The following ONECUT1 variants were observed in gnomAD, a reference collection of about 807,000 sequenced individuals.
ONECUT1 encodes one cut homeobox 1.
In ONECUT1, 12 loss-of-function variants were observed where a neutral mutation model predicts 25.6. The ratio of observed to expected loss-of-function variants is 0.47; its 90% CI spans 0.30 to 0.76. The LOEUF is 0.76. Among genes scored for constraint, ONECUT1 ranks in the 30% least tolerant of loss-of-function variants. The pLI is 0.07. For missense variants in ONECUT1, 620 were observed against 651.2 expected (o/e 0.95, Z 0.52); for synonymous variants, 285 against 270.2 (o/e 1.05, Z -0.54).
At chr15:52,783,443 C>T (rs991772172) in intron 1 of ONECUT1, among the ~76,000 whole-genome samples, 4 of 152,244 alleles carry the variant, frequency 2.6e-5, no homozygotes, top group Non-Finnish European at 2.9e-5. Flanking sequence ...TTCCCAAAGA[C>T]ATTCTATCTG....
intron 1 of ONECUT1, among the ~76,000 whole-genome samples, chr15:52,780,209 C>T (rs1427707804): frequency 2.0e-5 from 3 of 152,138 alleles, no homozygotes; most frequent in South Asian, 2.1e-4. Context: ...AACTCAGGAG[C>T]TGTTTATTAC....
chr15:52,767,811 G>A (rs1187108022), intron 1 of ONECUT1, among the ~76,000 whole-genome samples: 5 of 152,084 alleles, frequency 3.3e-5, no homozygotes, highest in African/African-American at 4.8e-5. Context: ...ACAGGTGAAC[G>A]GATAAAGAAA....
At position 52,757,320 on chromosome 15, in the gene ONECUT1, GGT is replaced by G; in HGVS notation, c.*233_*234del. The G allele has an allele frequency of 1.9e-6, 1 of 514,876 alleles. No homozygotes were observed. The highest frequency in any genetic ancestry group is 3.4e-6 in the Non-Finnish European group (1 of 294,226). The allele number at this position is 514,876 out of a possible 1,614,324, so 31.9% of individuals were successfully genotyped here. On this transcript the variant is annotated 3_prime_UTR_variant, in exon 2 of 2. Transcript: ENST00000305901. ...ATGGATTGAAGGTGTGAGATCCAGT[GGT>G]GTTTTCCTGCTCATCATTTGTCTTG...
In ONECUT1 at chr15:52,789,296, G is replaced by A. The variant is rs745844627; in HGVS notation, c.589C>T (p.Leu197Phe). 10 of 1,559,278 alleles carry A rather than the reference G, an allele frequency of 6.4e-6. No individual in the cohort carries two copies. The African/African-American group carries it at 9.5e-5, about 15-fold the overall frequency. The change falls in exon 1 of 2, where the codon CTC becomes TTC. Residue 197 changes from leucine (L) to phenylalanine (F), a missense_variant. Physicochemically the swap from Leu to Phe is conservative, Grantham distance 22. Coordinates refer to ENST00000305901, the MANE Select transcript of ONECUT1 (RefSeq NM_004498.4). The surrounding 1 kb of genome is among the most constrained non-coding windows in gnomAD (Gnocchi z 4.1). ...LGSIHNSQQG[L>F]PHYAHPGAAM... ...GCCCCCGGGTGGGCATAGTGGGGGA[G>A]CCCTTGCTGGGAGTTGTGGATGCTG... is the stretch of plus-strand genomic sequence containing the variant.
At chr15:52,778,392 A>G (rs62023486) in intron 1 of ONECUT1, among the ~76,000 whole-genome samples, 10,777 of 152,326 alleles carry the variant, frequency 0.071, 506 homozygotes, top group South Asian at 0.11. Context: ...TGCCAAGAAC[A>G]GTCTTTGCAT....
At chr15:52,777,737 C>CACACACACACAAAAAA (rs57187579) in intron 1 of ONECUT1, among the ~76,000 whole-genome samples, 4 of 103,460 alleles carry the variant, frequency 3.9e-5, no homozygotes, top group Non-Finnish European at 5.9e-5. Context: ...CACACACACA[C>CACACACACACAAAAAA]AAAAAAACAT....
rs114506572 is a variant in ONECUT1, at chr15:52,770,327, C to T, written c.1106-12480G>A. 9.1e-3 allele frequency among the ~76,000 whole-genome samples: 1,382 copies of T among 152,352 alleles called. 25 individuals carry two copies. The highest frequency in any genetic ancestry group is 0.032 in the African/African-American group (1,342 of 41,580). Reference sequence around the variant, plus strand: ...AGCCTGGGATTTTTGAAAGCTCCCTCGGTGATTCTAATACTTAGCCAAGGC... The same window carrying T: ...AGCCTGGGATTTTTGAAAGCTCCCTTGGTGATTCTAATACTTAGCCAAGGC... On this transcript the variant is annotated intron_variant, in intron 1 of 1. Transcript: ENST00000305901.
intron 1 of ONECUT1, among the ~76,000 whole-genome samples, chr15:52,786,781 C>A (rs1488544101): frequency 7.0e-6 from 1 of 143,680 alleles, no homozygotes; most frequent in African/African-American, 2.6e-5. Flanking sequence ...TTCCAGGGGG[C>A]GACAGCAGGC....
chr15:52,757,941 A>C, intron 1 of ONECUT1, 94 bp from the exon 2 acceptor site: 63 of 1,354,152 alleles, frequency 4.7e-5, no homozygotes, highest in Non-Finnish European at 6.1e-5. Context: ...GCCATTCCTC[A>C]TGGCCTGCTT....
At chr15:52,776,491 A>T (rs771725333) in intron 1 of ONECUT1, among the ~76,000 whole-genome samples, 5 of 152,172 alleles carry the variant, frequency 3.3e-5, no homozygotes. Context: ...TGCCACTTCT[A>T]GCTAGTCCCT....
chr15:52,765,752 C>T (rs1409768717), intron 1 of ONECUT1, among the ~76,000 whole-genome samples: 1 of 152,188 alleles, frequency 6.6e-6, no homozygotes, highest in Admixed American at 6.5e-5. Flanking sequence ...AGAATGTTAT[C>T]TGCCTTGCCT....
At chr15:52,781,336 T>TA (rs1466327228) in intron 1 of ONECUT1, among the ~76,000 whole-genome samples, 1 of 152,218 alleles carries the variant, frequency 6.6e-6, no homozygotes, top group Non-Finnish European at 1.5e-5. Context: ...AAAAGAGTAA[T>TA]AAAAAATCTC....
rs1266869206 is a variant in ONECUT1 at position 52,789,210 on chromosome 15, C to T, written c.675G>A (p.Met225Ile). The T allele has an allele frequency of 1.3e-6, 2 of 1,563,988 alleles. No individual in the cohort carries two copies. Among genetic ancestry groups the T allele is most frequent in the Non-Finnish European group, 1.7e-6 (2 of 1,157,730 alleles). ...GGTGCTGCTCCCCGTGGCGGCCGAG[C>T]ATGGCCGGGTGGTGGGCTTCGAAGC... ...PNGFEAHHPA[M>I]LGRHGEQHLT... is the part of the protein sequence containing the mutation. Residue 225 changes from methionine to isoleucine, a missense_variant, in exon 1 of 2, where the codon ATG becomes ATA. Coordinates refer to ENST00000305901, the MANE Select transcript of ONECUT1 (RefSeq NM_004498.4). The surrounding 1 kb of genome is among the most constrained non-coding windows in gnomAD (Gnocchi z 4.1).
rs1489891645 is a variant in ONECUT1, at chr15:52,789,255, G to T, written c.630C>A (p.Asp210Glu). The T allele has an allele frequency of 3.2e-6, 5 of 1,547,152 alleles. No individual in the cohort carries two copies. In the East Asian group the frequency reaches 1.1e-4, roughly 35 times the overall value. ...YAHPGAAMPT[D>E]KMLTPNGFEA... ...CGAAGCCGTTGGGGGTGAGCATCTT[G>T]TCGGTGGGCATGGCGGCCCCCGGGT... is the stretch of plus-strand genomic sequence containing the variant. Residue 210 changes from aspartate (D) to glutamate (E), a missense_variant, in exon 1 of 2, where the codon GAC becomes GAA. Asp to Glu is a conservative substitution (Grantham distance 45). Around this residue, in one of 4 missense-constraint regions of ONECUT1, gnomAD observed 440 missense variants for 404.9 expected, o/e 1.09. Transcript: ENST00000305901. This position sits in a 1 kb window ranked among gnomAD's most constrained non-coding sequence, Gnocchi z 4.1.
At chr15:52,776,722 C>A (rs186354987) in intron 1 of ONECUT1, among the ~76,000 whole-genome samples, 6 of 152,348 alleles carry the variant, frequency 3.9e-5, no homozygotes, top group African/African-American at 1.2e-4. Context: ...TTCCTGCATG[C>A]TTCCTCCCTG....
Position 52,761,746 on chromosome 15 carries a change from C to T in ONECUT1, c.1106-3899G>A, listed in dbSNP as rs145102148. On this transcript the variant is annotated intron_variant, in intron 1 of 1. Transcript: ENST00000305901. ...CAGAATCGGAGAAGAACTTCTTGGGCGGTCAAATCAAGAAGACTTCTTGAC... is the reference window on the plus strand; with the variant it reads ...CAGAATCGGAGAAGAACTTCTTGGGTGGTCAAATCAAGAAGACTTCTTGAC... 2.8e-3 allele frequency among the ~76,000 whole-genome samples: 422 copies of T among 152,250 alleles called. 1 individual carries two copies. Among genetic ancestry groups the T allele is most frequent in the African/African-American group, 9.6e-3 (400 of 41,540 alleles).
chr15:52,786,515 G>T (rs1234694967), intron 1 of ONECUT1, among the ~76,000 whole-genome samples: 1 of 152,254 alleles, frequency 6.6e-6, no homozygotes, highest in East Asian at 1.9e-4. Flanking sequence ...GCCGAGGGCT[G>T]CATGGACCTC....
At chr15:52,772,591 T>C (rs1312551564) in intron 1 of ONECUT1, among the ~76,000 whole-genome samples, 1 of 152,140 alleles carries the variant, frequency 6.6e-6, no homozygotes, top group African/African-American at 2.4e-5. Context: ...TACTGCCAAG[T>C]GCCTAACATG....
Position 52,789,414 on chromosome 15 carries a change from C to A in ONECUT1, c.471G>T (p.Gly157=). ...GSFTLMRDER[G]LASMNNLYTP... is the part of the protein sequence containing the mutation. ...TATAGAGGTTATTCATGGAGGCCAGCCCGCGCTCATCCCGCATGAGCGTGA... is the reference window on the plus strand; with the variant it reads ...TATAGAGGTTATTCATGGAGGCCAGACCGCGCTCATCCCGCATGAGCGTGA... Residue 157 remains glycine (G), a synonymous_variant, in exon 1 of 2, where the codon GGG becomes GGT. Coordinates refer to ENST00000305901, the MANE Select transcript of ONECUT1 (RefSeq NM_004498.4). This position sits in a 1 kb window ranked among gnomAD's most constrained non-coding sequence, Gnocchi z 4.1. 6.2e-7 allele frequency: 1 copy of A among 1,613,878 alleles called. No homozygotes were observed. Among genetic ancestry groups the A allele is most frequent in the Non-Finnish European group, 8.5e-7 (1 of 1,179,956 alleles).
Sources: allele counts gnomAD v4.1 joint callset (sites outside exome capture counted in the v4.1 genomes callset), GRCh38; gene constraint gnomAD v4.1.1; regional missense constraint gnomAD v4.1.1; non-coding constraint Gnocchi (gnomAD v3.1); transcripts MANE v1.5; gene names NCBI Gene and HGNC (gene_info 2026-07-23, HGNC 2026-07-21).